MED27: variants seen among roughly 807,000 people sequenced by gnomAD.
MED27 encodes the protein mediator of RNA polymerase II transcription subunit 27.
A neutral mutation model predicts 38.2 loss-of-function variants in MED27; 30 were observed. The observed-to-expected ratio is 0.79, with a 90% CI of 0.59 to 1.07. The LOEUF (loss-of-function observed/expected upper bound fraction) is 1.07. Ranked by LOEUF, MED27 falls within the 50% of genes least tolerant of loss-of-function variation. The probability of loss-of-function intolerance (pLI) is 0.00; values close to 1 mark genes in which losing one functional copy is unlikely to be tolerated. For missense variants in MED27, 289 were observed against 397.5 expected (o/e 0.73, Z 2.32); for synonymous variants, 122 against 153.5 (o/e 0.79, Z 1.52).
intron 2 of MED27, among the ~76,000 whole-genome samples, chr9:132,016,311 T>C (rs550213958): frequency 6.6e-6 from 1 of 152,322 alleles, no homozygotes; most frequent in East Asian, 1.9e-4. Context: ...CGTACTGCTT[T>C]TTAACAGGCT....
chr9:131,922,536 G>A (rs1830413316), intron 4 of MED27, among the ~76,000 whole-genome samples: 1 of 151,456 alleles, frequency 6.6e-6, no homozygotes, highest in Non-Finnish European at 1.5e-5. Context: ...CACCTCCCAG[G>A]TTCAAGCAAT....
intron 5 of MED27, among the ~76,000 whole-genome samples, chr9:131,888,304 G>A (rs1839174210): frequency 1.3e-5 from 2 of 152,200 alleles, no homozygotes; most frequent in Admixed American, 6.5e-5. Context: ...GAGAAGTTAG[G>A]TGACTTGTCC....
intron 3 of MED27, among the ~76,000 whole-genome samples, chr9:131,971,401 C>G (rs752686655): frequency 1.3e-5 from 2 of 152,084 alleles, no homozygotes; most frequent in African/African-American, 2.4e-5. Context: ...GGCAGCGGAG[C>G]CAGGAGGGGC....
At position 131,861,336 on chromosome 9, in the gene MED27, A is replaced by T. The variant is rs555507386; in HGVS notation, c.802-664T>A. On this transcript the variant is annotated intron_variant, in intron 7 of 7. Coordinates refer to ENST00000292035, the MANE Select transcript of MED27 (RefSeq NM_004269.4). The surrounding 1 kb of genome is among the most constrained non-coding windows in gnomAD (Gnocchi z 4.4). ...TAACTCAATTCTCAAACACAAGGAG[A>T]TTCACTACCAAAGAAAAAAATACCC... 6.6e-6 allele frequency among the ~76,000 whole-genome samples: 1 copy of T among 152,302 alleles called. No homozygotes were observed. The highest frequency in any genetic ancestry group is 1.9e-4 in the East Asian group (1 of 5,186).
At chr9:132,005,036 A>G (rs895930315) in intron 3 of MED27, among the ~76,000 whole-genome samples, 6 of 152,342 alleles carry the variant, frequency 3.9e-5, no homozygotes, top group Middle Eastern at 3.4e-3. Flanking sequence ...TTTCTGCCCA[A>G]TCACTGAATC....
intron 2 of MED27, among the ~76,000 whole-genome samples, chr9:132,047,299 G>T (rs891810890): frequency 2.6e-5 from 4 of 152,038 alleles, no homozygotes; most frequent in African/African-American, 9.7e-5. Context: ...ATAAGAGATC[G>T]ATAACCACGA....
chr9:132,019,783 A>G (rs1244387089), intron 2 of MED27, among the ~76,000 whole-genome samples: 2 of 152,220 alleles, frequency 1.3e-5, no homozygotes, highest in African/African-American at 4.8e-5. Flanking sequence ...ACTGATGTTT[A>G]TCTTCCCTTC....
At chr9:131,925,560 C>T (rs1830468662) in intron 4 of MED27, among the ~76,000 whole-genome samples, 1 of 152,020 alleles carries the variant, frequency 6.6e-6, no homozygotes, top group Non-Finnish European at 1.5e-5. Flanking sequence ...TAAGCTATAG[C>T]TAAACCAACA....
intron 2 of MED27, among the ~76,000 whole-genome samples, chr9:132,053,302 T>A (rs1239492677): frequency 6.7e-6 from 1 of 149,904 alleles, no homozygotes; most frequent in Non-Finnish European, 1.5e-5. Context: ...CACCTGTGAG[T>A]TAGGCTGGCT....
At chr9:132,018,512 G>A (rs547098316) in intron 2 of MED27, among the ~76,000 whole-genome samples, 25 of 152,164 alleles carry the variant, frequency 1.6e-4, no homozygotes, top group African/African-American at 5.8e-4. Flanking sequence ...GCTTCTACCC[G>A]CCCCAAAATA....
chr9:131,965,196 T>G (rs1347494585), intron 3 of MED27, among the ~76,000 whole-genome samples: 1 of 152,198 alleles, frequency 6.6e-6, no homozygotes, highest in Non-Finnish European at 1.5e-5. Flanking sequence ...ACGAACACAT[T>G]ATTCATAAAG....
At chr9:131,879,298 C>A (rs78440038) in intron 6 of MED27, among the ~76,000 whole-genome samples, 13,093 of 152,194 alleles carry the variant, frequency 0.086, 1,172 homozygotes, top group East Asian at 0.38. Flanking sequence ...CTGAAGGAGA[C>A]CTCAGGGTGG....
chr9:132,055,326 G>GA (rs1833552175), intron 2 of MED27, among the ~76,000 whole-genome samples: 1 of 152,184 alleles, frequency 6.6e-6, no homozygotes, highest in Non-Finnish European at 1.5e-5. Context: ...TAAGGAACTG[G>GA]AAATTCTTTT....
intron 4 of MED27, among the ~76,000 whole-genome samples, chr9:131,923,158 A>G (rs990597646): frequency 1.3e-5 from 2 of 152,318 alleles, no homozygotes; most frequent in East Asian, 1.9e-4. Flanking sequence ...ACTCCTGTGT[A>G]CAGACACATC....
At chr9:132,079,221 C>T (rs1834120535) in intron 1 of MED27, among the ~76,000 whole-genome samples, 2 of 152,074 alleles carry the variant, frequency 1.3e-5, no homozygotes, top group South Asian at 4.1e-4. Context: ...GGAATTGGGG[C>T]TAATCAGATC....
At chr9:131,961,863 G>A (rs1033235933) in intron 3 of MED27, among the ~76,000 whole-genome samples, 1 of 152,166 alleles carries the variant, frequency 6.6e-6, no homozygotes, top group Non-Finnish European at 1.5e-5. Context: ...TTTTCTCCAT[G>A]AAGTGAAAGG....
chr9:132,048,419 T>G (rs1230195123), intron 2 of MED27, among the ~76,000 whole-genome samples: 1 of 152,174 alleles, frequency 6.6e-6, no homozygotes, highest in Non-Finnish European at 1.5e-5. Flanking sequence ...TATCAGACCA[T>G]TCCTCCTTAT....
chr9:131,895,365 A>G (rs1829813815), intron 4 of MED27, among the ~76,000 whole-genome samples: 1 of 152,146 alleles, frequency 6.6e-6, no homozygotes. Context: ...CTAAGGTAAG[A>G]GCCTTAGCCC....
In MED27 at chr9:131,894,005, A is replaced by C; in HGVS notation, c.574-13T>G. The C allele has an allele frequency of 1.2e-6, 2 of 1,605,134 alleles. No individual in the cohort carries two copies. The highest frequency in any genetic ancestry group is 1.7e-6 in the Non-Finnish European group (2 of 1,171,848). On this transcript the variant is annotated splice_polypyrimidine_tract_variant and intron_variant, in intron 4 of 7. Transcript: ENST00000292035. ...TTCCCAAGGTCACCTGCCAAAACAC[A>C]TGTAAGCTGACACTTGAACACGCAA...
Sources: allele counts gnomAD v4.1 joint callset (sites outside exome capture counted in the v4.1 genomes callset), GRCh38; gene constraint gnomAD v4.1.1; non-coding constraint Gnocchi (gnomAD v3.1); transcripts MANE v1.5; gene names NCBI Gene and HGNC (gene_info 2026-07-23, HGNC 2026-07-21).